Variants in LARGE1 observed in about 807,000 individuals in gnomAD.
The protein encoded by LARGE1 is LARGE xylosyl- and glucuronyltransferase 1, also known as xylosyl- and glucuronyltransferase LARGE1.
A neutral mutation model predicts 87.6 loss-of-function variants in LARGE1; 43 were observed. That is an observed-to-expected ratio of 0.49 (90% CI 0.38 to 0.63). The LOEUF (loss-of-function observed/expected upper bound fraction) is 0.63, where lower values mean the gene tolerates loss of function less well. Among genes scored for constraint, LARGE1 ranks in the 30% least tolerant of loss-of-function variants. LARGE1 has a pLI of 0.00. For missense variants in LARGE1, 802 were observed against 1,000.2 expected (o/e 0.80, Z 2.67); for synonymous variants, 434 against 394.6 (o/e 1.10, Z -1.18).
At chr22:33,904,714 A>C (rs1484177764) in intron 1 of LARGE1, among the ~76,000 whole-genome samples, 1 of 150,674 alleles carries the variant, frequency 6.6e-6, no homozygotes, top group Non-Finnish European at 1.5e-5. Flanking sequence ...ATGGTTATTT[A>C]ACATCACTAT....
At chr22:33,090,763 T>C in the LARGE1 span, among the ~76,000 whole-genome samples, 1 of 152,214 alleles carries the variant, frequency 6.6e-6, no homozygotes, top group African/African-American at 2.4e-5. Context: ...ACGGTATAAA[T>C]AGACCACAAA....
At chr22:33,351,888 G>A (rs530457046) in intron 9 of LARGE1, among the ~76,000 whole-genome samples, 9 of 151,990 alleles carry the variant, frequency 5.9e-5, no homozygotes, top group East Asian at 5.8e-4. Context: ...ACATGTGCGC[G>A]CCACCACACC....
intron 7 of LARGE1, among the ~76,000 whole-genome samples, chr22:33,390,151 C>T (rs535555995): frequency 1.3e-5 from 2 of 152,226 alleles, no homozygotes; most frequent in South Asian, 4.1e-4. Flanking sequence ...CTGCTTTTCT[C>T]TTTGGAATTC....
the LARGE1 span, among the ~76,000 whole-genome samples, chr22:33,081,900 A>G: frequency 2.0e-5 from 3 of 152,210 alleles, no homozygotes; most frequent in South Asian, 6.2e-4. Context: ...TTTATAAATG[A>G]TAAGATTCAG....
intron 1 of LARGE1, among the ~76,000 whole-genome samples, chr22:33,800,790 C>T (rs1007291236): frequency 5.3e-5 from 8 of 152,048 alleles, no homozygotes; most frequent in Admixed American, 3.9e-4. Context: ...ATTCATTCAC[C>T]TGTTAAGGAC....
intron 2 of LARGE1, among the ~76,000 whole-genome samples, chr22:33,707,364 T>G (rs2082593116): frequency 6.6e-6 from 1 of 152,196 alleles, no homozygotes; most frequent in South Asian, 2.1e-4. Context: ...ATAACAAAAT[T>G]TATAAAATCA....
the LARGE1 span, among the ~76,000 whole-genome samples, chr22:33,136,757 T>A: frequency 6.6e-6 from 1 of 151,998 alleles, no homozygotes; most frequent in Admixed American, 6.6e-5. Flanking sequence ...GAAATAGCCA[T>A]GGTTGAAGTC....
At chr22:33,212,819 C>T (rs538486742) in intron 11 of LARGE1, among the ~76,000 whole-genome samples, 1 of 152,194 alleles carries the variant, frequency 6.6e-6, no homozygotes, top group East Asian at 1.9e-4. Context: ...AGATCGAGAC[C>T]ATCCTGGTTA....
intron 1 of LARGE1, among the ~76,000 whole-genome samples, chr22:33,887,496 G>A (rs536462603): frequency 7.9e-5 from 12 of 152,264 alleles, no homozygotes; most frequent in Admixed American, 2.6e-4. Flanking sequence ...TAGCACTTTC[G>A]GAGACCGAGG....
At chr22:33,919,789 G>A (rs1260133698) in intron 1 of LARGE1, among the ~76,000 whole-genome samples, 1 of 152,208 alleles carries the variant, frequency 6.6e-6, no homozygotes, top group Non-Finnish European at 1.5e-5. Flanking sequence ...AGCCGAGCAG[G>A]CCCTGAGGGG....
At chr22:33,447,475 A>C (rs1255559595) in intron 6 of LARGE1, among the ~76,000 whole-genome samples, 2 of 152,178 alleles carry the variant, frequency 1.3e-5, no homozygotes, top group Non-Finnish European at 2.9e-5. Flanking sequence ...GATCCACATA[A>C]GGGCTTGAGC....
intron 1 of LARGE1, among the ~76,000 whole-genome samples, chr22:33,850,090 A>G (rs1016223363): frequency 1.3e-5 from 2 of 152,164 alleles, no homozygotes; most frequent in Admixed American, 6.5e-5. Flanking sequence ...AAGGAGGACC[A>G]TACTTCTGTT....
the LARGE1 span, among the ~76,000 whole-genome samples, chr22:33,110,973 G>C: frequency 5.9e-5 from 9 of 152,290 alleles, no homozygotes; most frequent in South Asian, 1.7e-3. Context: ...CTGCTTTTAG[G>C]AGGCTTATAT....
At chr22:33,759,260 G>C (rs1488796511) in intron 2 of LARGE1, among the ~76,000 whole-genome samples, 2 of 152,220 alleles carry the variant, frequency 1.3e-5, no homozygotes, top group Non-Finnish European at 2.9e-5. Context: ...TTCTGCCAAA[G>C]AGTGCAAATC....
At chr22:33,843,643 A>C (rs1442962403) in intron 1 of LARGE1, among the ~76,000 whole-genome samples, 1 of 151,816 alleles carries the variant, frequency 6.6e-6, no homozygotes, top group Non-Finnish European at 1.5e-5. Context: ...CTGTACCCAC[A>C]ACCTGGCCAA....
In LARGE1 at chr22:33,564,981, C is replaced by A. The variant is rs771581103; in HGVS notation, c.654G>T (p.Gly218=). ...GGACAAGCTTCATCAGACCATAAAT[C>A]CCAGAGTAATGTTTATTGGGGATCC... ...VSWIPNKHYS[G]IYGLMKLVLT... Residue 218 remains glycine, a synonymous_variant, in exon 6 of 15, where the codon GGG becomes GGT. Transcript: ENST00000397394. The A allele has an allele frequency of 6.2e-7, 1 of 1,614,114 alleles. No homozygotes were observed. Among genetic ancestry groups the A allele is most frequent in the East Asian group, 2.2e-5 (1 of 44,872 alleles).
At chr22:33,166,961 A>T in intron 11 of LARGE1, 1 of 415,024 alleles carries the variant, frequency 2.4e-6, no homozygotes, top group Middle Eastern at 4.7e-4. Flanking sequence ...TTTCAGAGCG[A>T]AACTCCCCCT....
At chr22:33,577,084 C>T (rs1202910985) in intron 5 of LARGE1, among the ~76,000 whole-genome samples, 3 of 151,874 alleles carry the variant, frequency 2.0e-5, no homozygotes, top group Admixed American at 6.6e-5. Context: ...TGCTATTAAA[C>T]GCAAGTGGAA....
rs371071263 is a variant in LARGE1, at chr22:33,316,187, C to T, written c.1349G>A (p.Arg450His). Residue 450 changes from arginine to histidine, a missense_variant, in exon 11 of 15, where the codon CGC becomes CAC. By Grantham distance (29) the Arg-to-His change is conservative (BLOSUM62 0). Transcript: ENST00000397394. ...CAGGTGGGTGCGGTGGACAGTGAAG[C>T]GCTCTCGCCGGAACTCATAGCACAG... is the stretch of plus-strand genomic sequence containing the variant. ...DDLCYEFRRERFTVHRTHLYF... is the reference protein window; with the variant it reads ...DDLCYEFRREHFTVHRTHLYF... 97 of 1,613,904 alleles carry T rather than the reference C, an allele frequency of 6.0e-5. 1 individual carries two copies. Among genetic ancestry groups the T allele is most frequent in the Admixed American group, 3.0e-4 (18 of 59,990 alleles).
Sources: allele counts gnomAD v4.1 joint callset (sites outside exome capture counted in the v4.1 genomes callset), GRCh38; gene constraint gnomAD v4.1.1; transcripts MANE v1.5; gene names NCBI Gene and HGNC (gene_info 2026-07-23, HGNC 2026-07-21).